SLAMF6: variants seen among roughly 807,000 people sequenced by gnomAD.
The protein encoded by SLAMF6 is SLAM family member 6, also known as NK-T-B-antigen.
Under a neutral mutation model 38.3 loss-of-function variants are expected in SLAMF6, and 21 were observed. That is an observed-to-expected ratio of 0.55 (90% confidence interval 0.39 to 0.79). The LOEUF (loss-of-function observed/expected upper bound fraction) is 0.79. SLAMF6 is among the 30% of genes least tolerant of loss of function. The probability of loss-of-function intolerance (pLI) is 0.00; values close to 1 mark genes in which losing one functional copy is unlikely to be tolerated. For synonymous variants in SLAMF6, 152 were observed against 146.3 expected, an observed-to-expected ratio of 1.04 and a Z score of -0.28; for missense variants, 341 against 385.3, an observed-to-expected ratio of 0.89 and a Z score of 0.96.
Position 160,493,284 on chromosome 1 carries a change from T to G in SLAMF6, c.383-1896A>C, listed in dbSNP as rs1653402043. 2.0e-5 allele frequency among the ~76,000 whole-genome samples: 3 copies of G among 152,202 alleles called. 1 individual carries two copies. The highest frequency in any genetic ancestry group is 1.3e-4 in the Admixed American group (2 of 15,276). On this transcript the variant is annotated intron_variant, in intron 2 of 7. Transcript: ENST00000368057. The stretch of plus-strand genomic sequence containing the variant: ...GCGGATGGCGTGTCTTCCAGTTATC[T>G]GCGTGGCACACTTCCTCACTTCCAA...
chr1:160,491,153 GA>G lies in SLAMF6; in HGVS notation c.617del (p.Phe206SerfsTer21). On this transcript the variant is annotated frameshift_variant, in exon 3 of 8. Coordinates refer to ENST00000368057, the MANE Select transcript of SLAMF6 (RefSeq NM_001184714.2). LOFTEE classifies it high-confidence loss of function. ...CGCAAAGCTTCTGGGCAGAGACAGA[GA>G]AGGATAAATTACTGACAGCATTCTC... Reference protein sequence around the residue: ...IAENAVSNLSFSVSAQKLCED... With the variant: ...IAENAVSNLSXSVSAQKLCED... 1 of 1,614,004 alleles carries G rather than the reference GA, an allele frequency of 6.2e-7. No individual in the cohort carries two copies. Among genetic ancestry groups the G allele is most frequent in the Non-Finnish European group, 8.5e-7 (1 of 1,179,970 alleles).
intron 1 of SLAMF6, among the ~76,000 whole-genome samples, chr1:160,502,268 C>A (rs766450044): frequency 6.6e-6 from 1 of 152,160 alleles, no homozygotes; most frequent in East Asian, 1.9e-4. Context: ...GGGAAAGATG[C>A]CTCATGTTGG....
chr1:160,498,201 G>C (rs1264400471), intron 1 of SLAMF6, among the ~76,000 whole-genome samples: 1 of 151,514 alleles, frequency 6.6e-6, no homozygotes, highest in East Asian at 1.9e-4. Context: ...AGAATGAAGG[G>C]TCCAGTTTCA....
At chr1:160,489,016 G>A (rs1405065118) in intron 6 of SLAMF6, 72 bp downstream of exon 6, 4 of 1,380,548 alleles carry the variant, frequency 2.9e-6, no homozygotes, top group Non-Finnish European at 4.1e-6. Flanking sequence ...CAGTCAGATG[G>A]TTATGGTGAC....
chr1:160,512,710 G>T (rs1442177403), intron 1 of SLAMF6, among the ~76,000 whole-genome samples: 1 of 152,120 alleles, frequency 6.6e-6, no homozygotes, highest in East Asian at 1.9e-4. Context: ...ACCAGGGTGG[G>T]GAGGGACCCA....
At chr1:160,489,245 A>G (rs1653138371) in intron 5 of SLAMF6, 75 bp from the exon 6 acceptor site, 3 of 1,424,242 alleles carry the variant, frequency 2.1e-6, no homozygotes, top group Non-Finnish European at 3.0e-6. Context: ...CCCTCCCCAG[A>G]GCACACTGTG....
At chr1:160,504,492 A>G (rs779009613) in intron 1 of SLAMF6, among the ~76,000 whole-genome samples, 3 of 152,120 alleles carry the variant, frequency 2.0e-5, no homozygotes, top group African/African-American at 4.8e-5. Flanking sequence ...AGCCGTCTAC[A>G]TTTTCAGTAG....
Position 160,496,190 on chromosome 1 carries a change from G to A in SLAMF6, c.253C>T (p.Arg85Ter), listed in dbSNP as rs773516210. The A allele has an allele frequency of 3.1e-6, 5 of 1,613,746 alleles. No individual in the cohort carries two copies. The highest frequency in any genetic ancestry group is 1.1e-5 in the South Asian group (1 of 91,076). The change falls in exon 2 of 8, where the codon CGA becomes TGA. Residue 85 changes from arginine (R) to a stop codon, truncating the protein, a stop_gained. Coordinates refer to ENST00000368057, the MANE Select transcript of SLAMF6 (RefSeq NM_001184714.2). LOFTEE classifies it high-confidence loss of function. Reference protein sequence around the residue: ...IHVTNPKQGKRLNFTQSYSLQ... With the variant: ...IHVTNPKQGK ...GAGTAGGACTGGGTGAAGTTCAGTC[G>A]CTTTCCCTGTTTCGGATTAGTCACG...
intron 1 of SLAMF6, among the ~76,000 whole-genome samples, chr1:160,518,166 C>T (rs547058306): frequency 6.6e-6 from 1 of 151,318 alleles, no homozygotes; most frequent in South Asian, 2.1e-4. Flanking sequence ...AGCTCAACAT[C>T]ACTGGTCATT....
At chr1:160,513,433 A>G (rs1164289487) in intron 1 of SLAMF6, among the ~76,000 whole-genome samples, 2 of 152,212 alleles carry the variant, frequency 1.3e-5, no homozygotes, top group African/African-American at 4.8e-5. Context: ...AAGTTGGAAA[A>G]CATACTTCAC....
rs912307729 is a variant in SLAMF6 at position 160,486,617 on chromosome 1, A to T, written c.*90T>A. ...AGATATTCAAATTCTGTTGCCAGGAACAACAGGAACCAAGCTTCCTGTTCT... is the reference window on the plus strand; with the variant it reads ...AGATATTCAAATTCTGTTGCCAGGATCAACAGGAACCAAGCTTCCTGTTCT... On this transcript the variant is annotated 3_prime_UTR_variant, in exon 8 of 8. Coordinates refer to ENST00000368057, the MANE Select transcript of SLAMF6 (RefSeq NM_001184714.2). 41 of 1,359,274 alleles carry T rather than the reference A, an allele frequency of 3.0e-5. No individual in the cohort carries two copies. The highest frequency in any genetic ancestry group is 1.8e-4 in the Middle Eastern group (1 of 5,558). 84.2% of individuals were successfully genotyped at this position (1,359,274 alleles called of 1,614,324 possible).
intron 1 of SLAMF6, among the ~76,000 whole-genome samples, chr1:160,497,156 A>G (rs542730513): frequency 2.6e-5 from 4 of 152,274 alleles, no homozygotes; most frequent in African/African-American, 9.6e-5. Flanking sequence ...GAGGAGACAA[A>G]ATGGATACAT....
In SLAMF6 at chr1:160,490,645, A is replaced by G; in HGVS notation, c.687T>C (p.Phe229=). The part of the protein sequence containing the change: ...IQYTDTKMIL[F]MVSGICIVFG... ...AGACTATGCATATCCCAGAAACCAT[A>G]AACAGAATCATTTTGGTATCTGTAT... Residue 229 remains phenylalanine, a synonymous_variant, in exon 4 of 8, where the codon TTT becomes TTC. Transcript: ENST00000368057. The G allele has an allele frequency of 6.2e-7, 1 of 1,613,906 alleles. No individual in the cohort carries two copies. Among genetic ancestry groups the G allele is most frequent in the Non-Finnish European group, 8.5e-7 (1 of 1,179,868 alleles).
At chr1:160,491,538 C>T in intron 2 of SLAMF6, 150 bp from the exon 3 acceptor site, 1 of 1,130,352 alleles carries the variant, frequency 8.8e-7, no homozygotes, top group African/African-American at 1.6e-5. Context: ...CTTATATTGC[C>T]TAATTGATGG....
At chr1:160,490,781 G>T (rs1246879895) in intron 3 of SLAMF6, 96 bp from the exon 4 acceptor site, 22 of 1,508,318 alleles carry the variant, frequency 1.5e-5, no homozygotes, top group East Asian at 9.6e-5. Flanking sequence ...CATCTTTGGG[G>T]ACTAGGTAAG....
intron 2 of SLAMF6, among the ~76,000 whole-genome samples, chr1:160,492,966 C>T (rs1165049987): frequency 6.6e-6 from 1 of 151,954 alleles, no homozygotes; most frequent in Non-Finnish European, 1.5e-5. Flanking sequence ...TCCTAATTGG[C>T]CCATTGGCTT....
At chr1:160,488,063 C>T (rs547555684) in intron 6 of SLAMF6, among the ~76,000 whole-genome samples, 35 of 150,430 alleles carry the variant, frequency 2.3e-4, no homozygotes, top group Non-Finnish European at 4.7e-4. Flanking sequence ...TGCACTCAGC[C>T]CTTGGTGACA....
At chr1:160,488,090 CA>C (rs1170761955) in intron 6 of SLAMF6, among the ~76,000 whole-genome samples, 1,390 of 64,042 alleles carry the variant, frequency 0.022, 13 homozygotes, top group African/African-American at 0.061. Context: ...CACTCTGTCT[CA>C]AAAAAAAAAA....
intron 1 of SLAMF6, among the ~76,000 whole-genome samples, chr1:160,510,501 C>T (rs1654417192): frequency 6.6e-6 from 1 of 152,036 alleles, no homozygotes; most frequent in African/African-American, 2.4e-5. Context: ...TAATGGCCAT[C>T]TTAGTTGATG....
Sources: gnomAD v4.1 joint callset for allele counts (sites outside exome capture counted in the v4.1 genomes callset) on GRCh38, gnomAD v4.1.1 for gene constraint, MANE v1.5 for transcripts, NCBI Gene and HGNC (gene_info 2026-07-23, HGNC 2026-07-21) for gene names.